Variants in TTC39B observed in about 807,000 individuals in gnomAD.
The protein encoded by TTC39B is tetratricopeptide repeat domain 39B, also known as tetratricopeptide repeat protein 39B.
Under a neutral mutation model 96.6 loss-of-function variants are expected in TTC39B, and 92 were observed. The ratio of observed to expected loss-of-function variants is 0.95; its 90% CI spans 0.80 to 1.13. TTC39B has a LOEUF of 1.13. Ranked by LOEUF, TTC39B falls within the 50% of genes most tolerant of loss-of-function variation. The pLI is 0.00. For synonymous variants in TTC39B, 367 were observed against 299.4 expected, an observed-to-expected ratio of 1.23 and a Z score of -2.33; for missense variants, 955 against 809.3, an observed-to-expected ratio of 1.18 and a Z score of -2.18.
At chr9:15,251,826 T>A (rs568074312) in intron 2 of TTC39B, among the ~76,000 whole-genome samples, 125 of 151,184 alleles carry the variant, frequency 8.3e-4, no homozygotes, top group African/African-American at 2.6e-3. Flanking sequence ...GTTATGATTA[T>A]TTACCCAAAA....
intron 2 of TTC39B, among the ~76,000 whole-genome samples, chr9:15,241,060 A>T (rs75411503): frequency 0.022 from 3,374 of 152,270 alleles, 120 homozygotes; most frequent in African/African-American, 0.076. Context: ...GAGTTCTCTA[A>T]TACCAGCCGT....
chr9:15,167,875 C>G (rs913309893), exon 20 of TTC39B: 3 of 152,142 alleles, frequency 2.0e-5, no homozygotes, highest in Non-Finnish European at 4.4e-5. Context: ...ATCATCATCT[C>G]AAAAATAAAA....
intron 1 of TTC39B, among the ~76,000 whole-genome samples, chr9:15,283,543 C>T (rs545604321): frequency 2.0e-5 from 2 of 97,702 alleles, no homozygotes; most frequent in East Asian, 5.0e-4. Flanking sequence ...TTTTTACATA[C>T]AGAGAACTCA....
chr9:15,307,145 C>T, exon 1 of TTC39B: 1 of 1,607,332 alleles, frequency 6.2e-7, no homozygotes, highest in Admixed American at 1.7e-5. Context: ...CTGGCTGCTG[C>T]CACCCAAAAA....
chr9:15,241,685 C>T (rs1822045940), intron 2 of TTC39B, among the ~76,000 whole-genome samples: 1 of 151,020 alleles, frequency 6.6e-6, no homozygotes, highest in Non-Finnish European at 1.5e-5. Context: ...ATTAAGAAAA[C>T]TATAGCATCT....
intron 1 of TTC39B, among the ~76,000 whole-genome samples, chr9:15,274,229 T>A (rs1258661377): frequency 1.3e-5 from 2 of 152,248 alleles, no homozygotes; most frequent in Non-Finnish European, 2.9e-5. Context: ...AATATATACG[T>A]ACCCTGAGCT....
At chr9:15,225,008 A>C (rs956735142) in intron 3 of TTC39B, among the ~76,000 whole-genome samples, 1 of 152,196 alleles carries the variant, frequency 6.6e-6, no homozygotes, top group African/African-American at 2.4e-5. Flanking sequence ...AAGTTTAATA[A>C]ACCTCTAAGG....
intron 17 of TTC39B, among the ~76,000 whole-genome samples, chr9:15,181,843 T>C (rs979864903): frequency 1.1e-4 from 17 of 152,178 alleles, no homozygotes; most frequent in African/African-American, 3.9e-4. Context: ...TCACATGCCA[T>C]ACAATTCACC....
chr9:15,292,759 A>G (rs1824234856), intron 1 of TTC39B, among the ~76,000 whole-genome samples: 1 of 152,234 alleles, frequency 6.6e-6, no homozygotes, highest in Non-Finnish European at 1.5e-5. Flanking sequence ...AAAATAGAAA[A>G]AAGCTTGAAT....
intron 3 of TTC39B, among the ~76,000 whole-genome samples, chr9:15,215,772 G>A (rs1363756149): frequency 6.6e-6 from 1 of 151,940 alleles, no homozygotes; most frequent in Non-Finnish European, 1.5e-5. Flanking sequence ...GCTGAGGCAG[G>A]AGAATTGCTT....
chr9:15,201,433 G>A lies in TTC39B; in HGVS notation c.760-1508C>T, dbSNP rs566991855. ...ACGGGGACGGGATCATGCATGGGAT[G>A]TCATGAGAACACAAAGTAGTGGCAT... On this transcript the variant is annotated intron_variant, in intron 7 of 19. Transcript: ENST00000512701. 7.2e-5 allele frequency among the ~76,000 whole-genome samples: 11 copies of A among 152,282 alleles called. No individual in the cohort carries two copies. In the East Asian group the frequency reaches 1.7e-3, roughly 24 times the overall value.
At chr9:15,172,830 G>C (rs1564305353) in intron 19 of TTC39B, among the ~76,000 whole-genome samples, 1 of 152,064 alleles carries the variant, frequency 6.6e-6, no homozygotes, top group South Asian at 2.1e-4. Flanking sequence ...CCTTCATTTT[G>C]AACAGGTATA....
intron 2 of TTC39B, among the ~76,000 whole-genome samples, chr9:15,250,381 G>A: frequency 6.6e-6 from 1 of 151,278 alleles, no homozygotes; most frequent in African/African-American, 2.4e-5. Context: ...CTAATCCAGG[G>A]ATTCATGTCC....
intron 1 of TTC39B, among the ~76,000 whole-genome samples, chr9:15,275,754 G>T (rs919276261): frequency 6.6e-6 from 1 of 152,174 alleles, no homozygotes; most frequent in African/African-American, 2.4e-5. Flanking sequence ...CAGTCATGTT[G>T]TCTACAGTTG....
intron 1 of TTC39B, among the ~76,000 whole-genome samples, chr9:15,278,841 CTAA>C (rs1017822284): frequency 1.6e-4 from 25 of 152,290 alleles, no homozygotes; most frequent in Middle Eastern, 3.4e-3. Flanking sequence ...CTACTATGTT[CTAA>C]TAATAACAGC....
At chr9:15,165,820 T>C (rs1817507729) in exon 20 of TTC39B, 1 of 152,222 alleles carries the variant, frequency 6.6e-6, no homozygotes, top group Non-Finnish European at 1.5e-5. Context: ...GTGGGGATTA[T>C]GGGAACTACA....
At chr9:15,186,217 T>C (rs557016980) in intron 15 of TTC39B, among the ~76,000 whole-genome samples, 17 of 152,294 alleles carry the variant, frequency 1.1e-4, no homozygotes, top group African/African-American at 4.1e-4. Flanking sequence ...GTTAGGTTAA[T>C]TCCGGGCAAA....
intron 2 of TTC39B, among the ~76,000 whole-genome samples, chr9:15,226,717 G>A (rs983879485): frequency 6.6e-6 from 1 of 152,112 alleles, no homozygotes; most frequent in African/African-American, 2.4e-5. Context: ...AGAAGGTAAG[G>A]ACCAATTTGC....
In TTC39B at chr9:15,190,957, T is replaced by C. The variant is rs61488694; in HGVS notation, c.996+233A>G. ...AGCAAGAAGCAATATTAGCAACACA[T>C]AATTTTTCATCCAAGAATTTGGATA... is the stretch of plus-strand genomic sequence containing the variant. On this transcript the variant is annotated intron_variant, in intron 10 of 19. Coordinates refer to ENST00000512701, the Ensembl canonical transcript of TTC39B. Among the ~76,000 whole-genome samples the C allele has an allele frequency of 4.9e-3, 743 of 151,896 alleles. 1 individual carries two copies. Among genetic ancestry groups the C allele is most frequent in the African/African-American group, 0.017 (703 of 41,410 alleles).
Sources: gnomAD v4.1 joint callset for allele counts (sites outside exome capture counted in the v4.1 genomes callset) on GRCh38, gnomAD v4.1.1 for gene constraint, MANE v1.5 for transcripts, NCBI Gene and HGNC (gene_info 2026-07-23, HGNC 2026-07-21) for gene names.